PTPN14: variants seen among roughly 807,000 people sequenced by gnomAD.
The protein encoded by PTPN14 is tyrosine-protein phosphatase non-receptor type 14.
Under a neutral mutation model 126.8 loss-of-function variants are expected in PTPN14, and 53 were observed. The observed-to-expected ratio is 0.42, with a 90% CI of 0.34 to 0.53. The LOEUF (loss-of-function observed/expected upper bound fraction) is 0.53, where lower values mean the gene tolerates loss of function less well. PTPN14 is among the 20% of genes least tolerant of loss of function. The pLI is 0.08. For missense variants in PTPN14, 1,257 were observed against 1,552.9 expected (o/e 0.81, Z 3.20); for synonymous variants, 630 against 599.3 (o/e 1.05, Z -0.75).
At chr1:214,382,117 G>A (rs548377442) in intron 13 of PTPN14, among the ~76,000 whole-genome samples, 18 of 152,264 alleles carry the variant, frequency 1.2e-4, no homozygotes, top group African/African-American at 4.3e-4. Flanking sequence ...TGGTCAGGCT[G>A]GTCTTGAACT....
intron 8 of PTPN14, among the ~76,000 whole-genome samples, chr1:214,395,641 T>C: frequency 8.4e-6 from 1 of 118,926 alleles, no homozygotes; most frequent in Admixed American, 9.2e-5. Flanking sequence ...ACACAGAGTT[T>C]CCTTCCCTGT....
rs1054872580 is a variant in PTPN14, at chr1:214,378,068, G to A, written c.2579C>T (p.Ala860Val). ...LEKQKMAGLE[A>V]QKRPLMLAAL... ...TGCCAACATCAGCGGCCTCTTCTGT[G>A]CCTCCAGGCCTGCCATCTTCTGCTT... is the stretch of plus-strand genomic sequence containing the variant. The change falls in exon 14 of 19, where the codon GCA (alanine) becomes GTA (valine). Residue 860 changes from alanine to valine, a missense_variant. By Grantham distance (64) the Ala-to-Val change is moderately conservative. Transcript: ENST00000366956. 6.2e-7 allele frequency: 1 copy of A among 1,611,256 alleles called. No homozygotes were observed.
intron 1 of PTPN14, among the ~76,000 whole-genome samples, chr1:214,479,861 G>A (rs1660948623): frequency 6.6e-6 from 1 of 152,076 alleles, no homozygotes; most frequent in Non-Finnish European, 1.5e-5. Context: ...ACCACCCACA[G>A]AGGACCAATA....
At chr1:214,421,146 C>T (rs1659535505) in intron 3 of PTPN14, among the ~76,000 whole-genome samples, 1 of 152,116 alleles carries the variant, frequency 6.6e-6, no homozygotes, top group Admixed American at 6.5e-5. Flanking sequence ...AGGAAACAAC[C>T]CAAAAGTCTA....
chr1:214,411,328 C>T (rs1234884639), intron 5 of PTPN14, among the ~76,000 whole-genome samples: 2 of 152,020 alleles, frequency 1.3e-5, no homozygotes, highest in Non-Finnish European at 2.9e-5. Flanking sequence ...TAAAACTGTG[C>T]TTGATGATGA....
In PTPN14 at chr1:214,406,026, G is replaced by T. The variant is rs1453598373; in HGVS notation, c.511-3073C>A. Reference sequence around the variant, plus strand: ...GGGGCAGGGGCAGGGGCTGAAAGTGGACAGCTGATAACTAAAGCCTAGGAA... The same window carrying T: ...GGGGCAGGGGCAGGGGCTGAAAGTGTACAGCTGATAACTAAAGCCTAGGAA... On this transcript the variant is annotated intron_variant, in intron 5 of 18. Transcript: ENST00000366956. 3.3e-5 allele frequency among the ~76,000 whole-genome samples: 5 copies of T among 152,286 alleles called. No individual in the cohort carries two copies. In the East Asian group the frequency reaches 9.6e-4, roughly 29 times the overall value.
intron 1 of PTPN14, among the ~76,000 whole-genome samples, chr1:214,524,453 ACCAGC>A (rs1384198935): frequency 2.0e-5 from 3 of 151,814 alleles, no homozygotes; most frequent in East Asian, 3.9e-4. Context: ...GGAGTTCAAG[ACCAGC>A]CTGGGCAAAA....
intron 11 of PTPN14, among the ~76,000 whole-genome samples, chr1:214,390,681 C>T (rs1658728253): frequency 6.6e-6 from 1 of 152,106 alleles, no homozygotes; most frequent in South Asian, 2.1e-4. Flanking sequence ...ACAACCAGAA[C>T]AGATGAGCAA....
chr1:214,449,254 C>T (rs1225787473), intron 3 of PTPN14, among the ~76,000 whole-genome samples: 3 of 152,048 alleles, frequency 2.0e-5, no homozygotes, highest in Non-Finnish European at 2.9e-5. Flanking sequence ...GATCCGCCCG[C>T]CTCGGCCTCC....
chr1:214,430,769 C>T (rs1043502234), intron 3 of PTPN14, among the ~76,000 whole-genome samples: 2 of 152,154 alleles, frequency 1.3e-5, no homozygotes, highest in African/African-American at 2.4e-5. Context: ...GAATAATGCC[C>T]GTCTCCAAAG....
At chr1:214,406,578 A>G (rs1659177348) in intron 5 of PTPN14, among the ~76,000 whole-genome samples, 1 of 152,202 alleles carries the variant, frequency 6.6e-6, no homozygotes, top group Non-Finnish European at 1.5e-5. Flanking sequence ...ATAAATATCC[A>G]CACATGGCTA....
At chr1:214,438,178 T>C (rs1047595942) in intron 3 of PTPN14, among the ~76,000 whole-genome samples, 5 of 152,192 alleles carry the variant, frequency 3.3e-5, no homozygotes, top group African/African-American at 7.2e-5. Context: ...GAGATTACCA[T>C]TGGGTCAGCC....
intron 16 of PTPN14, among the ~76,000 whole-genome samples, chr1:214,371,770 T>C (rs1030023674): frequency 6.6e-6 from 1 of 152,208 alleles, no homozygotes; most frequent in Admixed American, 6.5e-5. Flanking sequence ...CCCAGGGAAG[T>C]ACAACTGGCT....
intron 3 of PTPN14, among the ~76,000 whole-genome samples, chr1:214,415,738 G>C (rs1030299669): frequency 1.3e-5 from 2 of 152,162 alleles, no homozygotes; most frequent in Non-Finnish European, 2.9e-5. Flanking sequence ...TTGAGGGAAG[G>C]AACTGGGCTC....
intron 1 of PTPN14, among the ~76,000 whole-genome samples, chr1:214,474,342 C>A (rs1389915852): frequency 6.6e-6 from 1 of 152,164 alleles, no homozygotes. Context: ...CAAAAGAACA[C>A]CCTCAGTTCA....
chr1:214,364,312 C>T lies in PTPN14; in HGVS notation c.3435+200G>A, dbSNP rs190911155. ...CATTTCTCCTGTTTTATCTGGGTAT[C>T]TACACGGAGCAGTGGGAGGGCAAAA... On this transcript the variant is annotated intron_variant, in intron 18 of 18. Transcript: ENST00000366956. The surrounding 1 kb of genome is among the most constrained non-coding windows in gnomAD (Gnocchi z 4.1). 2.6e-4 allele frequency among the ~76,000 whole-genome samples: 40 copies of T among 152,164 alleles called. No homozygotes were observed. The highest frequency in any genetic ancestry group is 4.9e-4 in the Non-Finnish European group (33 of 68,026).
rs776153601 is a variant in PTPN14, at chr1:214,376,333, T to C, written c.2793A>G (p.Pro931=). 1.9e-6 allele frequency: 3 copies of C among 1,614,096 alleles called. No homozygotes were observed. The African/African-American group carries it at 4.0e-5, about 22-fold the overall frequency. The change falls in exon 15 of 19, where the codon CCA becomes CCG. Residue 931 remains proline, a synonymous_variant. Transcript: ENST00000366956. The part of the protein sequence containing the change: ...ANGIFSTAAL[P]ENAERSRIRE... The stretch of plus-strand genomic sequence containing the variant: ...GGATTCGGCTGCGCTCGGCGTTTTC[T>C]GGCAGAGCTGCTGTGCTGAAAATGC...
At chr1:214,403,564 C>T (rs1229611021) in intron 5 of PTPN14, among the ~76,000 whole-genome samples, 1 of 152,206 alleles carries the variant, frequency 6.6e-6, no homozygotes, top group African/African-American at 2.4e-5. Context: ...CCCCTGGAAC[C>T]TGTGATGTGC....
chr1:214,515,122 T>C (rs560874421), intron 1 of PTPN14, among the ~76,000 whole-genome samples: 1 of 152,332 alleles, frequency 6.6e-6, no homozygotes, highest in South Asian at 2.1e-4. Context: ...TCCATGCCTT[T>C]TGACCAGTCA....
Sources: gnomAD v4.1 joint callset for allele counts (sites outside exome capture counted in the v4.1 genomes callset) on GRCh38, gnomAD v4.1.1 for gene constraint, Gnocchi (gnomAD v3.1) non-coding constraint, MANE v1.5 for transcripts, NCBI Gene and HGNC (gene_info 2026-07-23, HGNC 2026-07-21) for gene names.